Variants in ST3GAL3 observed in about 807,000 individuals in gnomAD.
ST3GAL3 encodes ST3 beta-galactoside alpha-2,3-sialyltransferase 3.
A neutral mutation model predicts 50.1 loss-of-function variants in ST3GAL3; 21 were observed. That is an observed-to-expected ratio of 0.42 (90% CI 0.30 to 0.60). The LOEUF (loss-of-function observed/expected upper bound fraction) is 0.60. Ranked by LOEUF, ST3GAL3 falls within the 20% of genes least tolerant of loss-of-function variation. The pLI, the probability that ST3GAL3 is intolerant of heterozygous loss-of-function variation, is 0.19. For missense variants in ST3GAL3, 353 were observed against 489.4 expected, an observed-to-expected ratio of 0.72 and a Z score of 2.63; for synonymous variants, 183 against 190.0, an observed-to-expected ratio of 0.96 and a Z score of 0.30.
rs147913825 is a variant in ST3GAL3 at position 43,829,201 on chromosome 1, C to G, written c.210-9018C>G. On this transcript the variant is annotated intron_variant, in intron 4 of 11. Coordinates refer to ENST00000347631, the MANE Select transcript of ST3GAL3 (RefSeq NM_006279.5). ...CCAAGGGCTTTGAAATCAGAAAGCT[C>G]TATATTCAAATCTTCCTCCTGCCAT... Among the ~76,000 whole-genome samples the G allele has an allele frequency of 2.2e-4, 33 of 152,116 alleles. No individual in the cohort carries two copies. In the East Asian group the frequency reaches 6.2e-3, roughly 28 times the overall value.
chr1:43,865,051 C>G (rs2070976239), intron 5 of ST3GAL3, among the ~76,000 whole-genome samples: 1 of 146,802 alleles, frequency 6.8e-6, no homozygotes, highest in Non-Finnish European at 1.5e-5. Context: ...GAGTCTTGCT[C>G]TGTCGCCCAG....
chr1:43,801,570 T>C (rs1029975718), intron 3 of ST3GAL3: 8 of 321,936 alleles, frequency 2.5e-5, no homozygotes, highest in African/African-American at 1.5e-4. Flanking sequence ...TTATGTGCTA[T>C]ACTAGGACAA....
intron 2 of ST3GAL3, among the ~76,000 whole-genome samples, chr1:43,785,448 A>C (rs3791049): frequency 0.35 from 53,683 of 152,090 alleles, 10,349 homozygotes; most frequent in East Asian, 0.55. Flanking sequence ...GCTTCAATGT[A>C]GCAAGAGACA....
intron 5 of ST3GAL3, among the ~76,000 whole-genome samples, chr1:43,859,428 G>T (rs1290668229): frequency 2.0e-5 from 3 of 152,060 alleles, no homozygotes; most frequent in Non-Finnish European, 2.9e-5. Flanking sequence ...GTGTGGTGGT[G>T]CATGCCTGTA....
chr1:43,835,553 C>T (rs1378170731), intron 4 of ST3GAL3, among the ~76,000 whole-genome samples: 1 of 152,128 alleles, frequency 6.6e-6, no homozygotes, highest in Non-Finnish European at 1.5e-5. Context: ...TCCTGCCTTG[C>T]CTGCTGGGCT....
chr1:43,797,146 C>T (rs2058768467), intron 3 of ST3GAL3, among the ~76,000 whole-genome samples: 1 of 152,134 alleles, frequency 6.6e-6, no homozygotes, highest in South Asian at 2.1e-4. Flanking sequence ...TATGATCACA[C>T]CAGCCTAGGT....
chr1:43,736,511 G>T, intron 2 of ST3GAL3, 131 bp downstream of exon 2: 1 of 1,547,334 alleles, frequency 6.5e-7, no homozygotes, highest in Non-Finnish European at 8.9e-7. Flanking sequence ...TGGGACTTTG[G>T]CCTAGAAATT....
At chr1:43,829,975 C>T (rs563968594) in intron 4 of ST3GAL3, among the ~76,000 whole-genome samples, 1 of 148,284 alleles carries the variant, frequency 6.7e-6, no homozygotes, top group East Asian at 2.0e-4. Flanking sequence ...CAAAGCAACC[C>T]ACTGCAAGCA....
At chr1:43,840,285 C>T (rs1029276475) in intron 5 of ST3GAL3, 6 of 152,176 alleles carry the variant, frequency 3.9e-5, no homozygotes, top group Non-Finnish European at 7.3e-5. Flanking sequence ...CCTTGGCCTC[C>T]CAAAGTGCTG....
At chr1:43,802,578 C>T (rs1009225078) in intron 3 of ST3GAL3, among the ~76,000 whole-genome samples, 1 of 152,198 alleles carries the variant, frequency 6.6e-6, no homozygotes, top group African/African-American at 2.4e-5. Context: ...GGTGTGTTGC[C>T]CTTCACCTGG....
At chr1:43,754,501 T>C (rs375111797) in intron 2 of ST3GAL3, among the ~76,000 whole-genome samples, 5 of 152,048 alleles carry the variant, frequency 3.3e-5, no homozygotes, top group African/African-American at 1.2e-4. Context: ...TCATGTATAA[T>C]AGGAATTTAG....
At chr1:43,849,682 G>A (rs573062037) in intron 5 of ST3GAL3, among the ~76,000 whole-genome samples, 264 of 152,180 alleles carry the variant, frequency 1.7e-3, no homozygotes, top group Non-Finnish European at 2.9e-3. Context: ...ATGGGACTGG[G>A]ATTTCCCAGG....
At chr1:43,718,169 G>A (rs1296810537) in intron 1 of ST3GAL3, among the ~76,000 whole-genome samples, 12 of 147,740 alleles carry the variant, frequency 8.1e-5, no homozygotes, top group South Asian at 2.2e-4. Flanking sequence ...CACCACGCCC[G>A]GCTCTATCAT....
chr1:43,827,411 A>G (rs1299899898), intron 4 of ST3GAL3, among the ~76,000 whole-genome samples: 5 of 152,244 alleles, frequency 3.3e-5, no homozygotes, highest in Non-Finnish European at 5.9e-5. Context: ...AGATCCATAT[A>G]TGAATGAGGA....
rs1428176149 is a variant in ST3GAL3 at position 43,875,944 on chromosome 1, CTTCTTCTTATTATTA to C, written c.303-18436_303-18422del. On this transcript the variant is annotated intron_variant, in intron 5 of 11. Transcript: ENST00000347631. ...TCTTCTTCTTCTTCTTCTTCTTCTT[CTTCTTCTTATTATTA>C]TTATTATTATTATTATTATTATTTT... Among the ~76,000 whole-genome samples, 421 of 49,046 alleles carry C rather than the reference CTTCTTCTTATTATTA, an allele frequency of 8.6e-3. 2 individuals carry two copies. Among genetic ancestry groups the C allele is most frequent in the Middle Eastern group, 0.019 (2 of 108 alleles). The allele number at this position is 49,046 out of a possible 152,430, so 32.2% of individuals were successfully genotyped here. A position where few individuals can be genotyped will look rare whatever the true frequency, so the allele number is the denominator to read the frequency against.
intron 3 of ST3GAL3, among the ~76,000 whole-genome samples, chr1:43,803,021 G>A (rs945030462): frequency 6.6e-6 from 1 of 152,048 alleles, no homozygotes; most frequent in African/African-American, 2.4e-5. Flanking sequence ...CACCTCCCGG[G>A]TTCAAATGAT....
chr1:43,759,587 C>T (rs1271148668), intron 2 of ST3GAL3, among the ~76,000 whole-genome samples: 3 of 152,332 alleles, frequency 2.0e-5, no homozygotes, highest in South Asian at 2.1e-4. Context: ...CAGAGAACTA[C>T]TGTCTTTTGT....
intron 2 of ST3GAL3, among the ~76,000 whole-genome samples, chr1:43,774,762 G>A (rs1337520374): frequency 2.0e-5 from 3 of 151,978 alleles, no homozygotes; most frequent in Non-Finnish European, 4.4e-5. Context: ...AGCATTTTTC[G>A]TTCATTCATT....
At chr1:43,829,982 A>T (rs1294730732) in intron 4 of ST3GAL3, among the ~76,000 whole-genome samples, 3 of 146,870 alleles carry the variant, frequency 2.0e-5, no homozygotes, top group African/African-American at 7.5e-5. Flanking sequence ...ACCCACTGCA[A>T]GCATAAAAAT....
Sources: allele counts gnomAD v4.1 joint callset (sites outside exome capture counted in the v4.1 genomes callset), GRCh38; gene constraint gnomAD v4.1.1; transcripts MANE v1.5; gene names NCBI Gene and HGNC (gene_info 2026-07-23, HGNC 2026-07-21).